Variants in WRN observed in about 807,000 individuals in gnomAD.
WRN encodes bifunctional 3'-5' exonuclease/ATP-dependent helicase WRN.
In WRN, 149 loss-of-function variants were observed where a neutral mutation model predicts 180.7. That is an observed-to-expected ratio of 0.82 (90% CI 0.72 to 0.94). WRN has a LOEUF of 0.94. Among genes scored for constraint, WRN ranks in the 40% least tolerant of loss-of-function variants. The pLI, the probability that WRN is intolerant of heterozygous loss-of-function variation, is 0.00. For missense variants in WRN, 1,661 were observed against 1,700.1 expected (o/e 0.98, Z 0.40); for synonymous variants, 548 against 568.9 (o/e 0.96, Z 0.52).
At chr8:31,059,406 G>A (rs1411562103) in intron 3 of WRN, 141 bp downstream of exon 3, 1 of 665,832 alleles carries the variant, frequency 1.5e-6, no homozygotes, top group Non-Finnish European at 2.6e-6. Flanking sequence ...CTATCACCAA[G>A]TTTTACATTT....
intron 8 of WRN, among the ~76,000 whole-genome samples, chr8:31,078,294 C>G (rs1481472820): frequency 1.3e-5 from 2 of 152,102 alleles, no homozygotes; most frequent in African/African-American, 4.8e-5. Context: ...CTCTTTGTAA[C>G]AAGTCTACAG....
At chr8:31,061,794 A>G (rs2130018964) in intron 3 of WRN, among the ~76,000 whole-genome samples, 1 of 152,300 alleles carries the variant, frequency 6.6e-6, no homozygotes, top group South Asian at 2.1e-4. Context: ...ACTTTTCAGA[A>G]CGTTAATGCC....
chr8:31,075,538 CTG>C (rs1428129785), intron 7 of WRN, among the ~76,000 whole-genome samples: 2 of 151,198 alleles, frequency 1.3e-5, no homozygotes, highest in Admixed American at 6.6e-5. Flanking sequence ...TTGCGAAACA[CTG>C]TCTCTACTAG....
chr8:31,098,233 G>A (rs1814073446), intron 17 of WRN, among the ~76,000 whole-genome samples: 1 of 152,078 alleles, frequency 6.6e-6, no homozygotes, highest in South Asian at 2.1e-4. Flanking sequence ...TGAAGTTATT[G>A]TGAATATTTC....
chr8:31,076,409 C>T lies in WRN; in HGVS notation c.839+122C>T, dbSNP rs1813098572. On this transcript the variant is annotated intron_variant, in intron 8 of 34. Coordinates refer to ENST00000298139, the MANE Select transcript of WRN (RefSeq NM_000553.6). ...ACTCATAGAAATTTGCTTGAATACACACACACAGACTGATGCATAAATTTG... is the reference window on the plus strand; with the variant it reads ...ACTCATAGAAATTTGCTTGAATACATACACACAGACTGATGCATAAATTTG... The T allele has an allele frequency of 1.1e-5, 8 of 759,422 alleles. 1 individual carries two copies. The highest frequency in any genetic ancestry group is 7.2e-5 in the Admixed American group (3 of 41,414). 47.0% of individuals were successfully genotyped at this position (759,422 alleles called of 1,614,324 possible). A position where few individuals can be genotyped will look rare whatever the true frequency, so the allele number is the denominator to read the frequency against.
chr8:31,082,490 T>G (rs903577109), intron 9 of WRN, among the ~76,000 whole-genome samples: 1 of 152,218 alleles, frequency 6.6e-6, no homozygotes, highest in Non-Finnish European at 1.5e-5. Context: ...CTGGGAAATA[T>G]CAGTTTTTGC....
chr8:31,049,209 T>TC (rs1811990016), intron 1 of WRN, among the ~76,000 whole-genome samples: 1 of 7,980 alleles, frequency 1.3e-4, no homozygotes, highest in Non-Finnish European at 3.7e-4. Context: ...AGACTCTGTC[T>TC]CAAAAAAAAA....
intron 18 of WRN, among the ~76,000 whole-genome samples, chr8:31,103,218 G>A (rs775613752): frequency 7.2e-5 from 11 of 152,092 alleles, no homozygotes. Flanking sequence ...GCCTGAGGCT[G>A]TTTTTCAGTT....
At position 31,114,893 on chromosome 8, in the gene WRN, G is replaced by GATTTTTTTTTTTTTTTTT. The variant is rs764937166; in HGVS notation, c.2274-1461_2274-1460insATTTTTTTTTTTTTTTTT. On this transcript the variant is annotated intron_variant, in intron 19 of 34. Coordinates refer to ENST00000298139, the MANE Select transcript of WRN (RefSeq NM_000553.6). The stretch of plus-strand genomic sequence containing the variant: ...CTTTGAAAACATGTTTTTAAAATAA[G>GATTTTTTTTTTTTTTTTT]GTTTTTTTTTTTTTTTTTTTGACAT... 1.5e-5 allele frequency among the ~76,000 whole-genome samples: 2 copies of GATTTTTTTTTTTTTTTTT among 136,174 alleles called. 1 individual carries two copies. The highest frequency in any genetic ancestry group is 3.2e-5 in the Non-Finnish European group (2 of 63,470). The allele number at this position is 136,174 out of a possible 152,430, so 89.3% of individuals were successfully genotyped here.
chr8:31,038,773 A>G (rs1016739144), intron 1 of WRN, among the ~76,000 whole-genome samples: 1 of 152,186 alleles, frequency 6.6e-6, no homozygotes. Context: ...GTAGGGGTCC[A>G]ACTTCACTCT....
At position 31,124,999 on chromosome 8, in the gene WRN, A is replaced by G; in HGVS notation, c.2824A>G (p.Arg942Gly). The G allele has an allele frequency of 1.2e-6, 2 of 1,612,322 alleles. No homozygotes were observed. Among genetic ancestry groups the G allele is most frequent in the Non-Finnish European group, 1.7e-6 (2 of 1,178,758 alleles). ...AAAATGCTGTGATAATTGCAGGTCC[A>G]GGTAAAGATTTCTTATTATAGATGG... Reference protein sequence around the residue: ...TEKCCDNCRSRLDHCYSMDDS... With the variant: ...TEKCCDNCRSGLDHCYSMDDS... The change falls in exon 23 of 35, where the codon AGA (arginine) becomes GGA (glycine). Residue 942 changes from arginine to glycine, a missense_variant and splice_region_variant. By Grantham distance (125) the Arg-to-Gly change is moderately radical (BLOSUM62 -2). Coordinates refer to ENST00000298139, the MANE Select transcript of WRN (RefSeq NM_000553.6).
chr8:31,072,871 A>G (rs186971624), intron 7 of WRN, among the ~76,000 whole-genome samples: 43 of 152,280 alleles, frequency 2.8e-4, no homozygotes, highest in Middle Eastern at 6.8e-3. Flanking sequence ...ATCTGAAGGA[A>G]GAGCTTAGCA....
chr8:31,102,270 A>G (rs1461442486), intron 18 of WRN, among the ~76,000 whole-genome samples: 2 of 152,210 alleles, frequency 1.3e-5, no homozygotes, highest in African/African-American at 4.8e-5. Flanking sequence ...TATTATTTCA[A>G]GAATGTTATA....
At chr8:31,092,217 A>T (rs1813775519) in intron 16 of WRN, among the ~76,000 whole-genome samples, 1 of 152,138 alleles carries the variant, frequency 6.6e-6, no homozygotes, top group African/African-American at 2.4e-5. Flanking sequence ...TTGTACTCAT[A>T]GAATTATAAA....
chr8:31,093,776 G>A (rs970812832), intron 16 of WRN, among the ~76,000 whole-genome samples: 3 of 152,064 alleles, frequency 2.0e-5, no homozygotes, highest in African/African-American at 4.8e-5. Flanking sequence ...CCCAGTCACC[G>A]GGTAACTGCT....
rs1176671038 is a variant in WRN at position 31,064,846 on chromosome 8, G to A, written c.356-69G>A. The A allele has an allele frequency of 5.2e-6, 8 of 1,540,074 alleles. No homozygotes were observed. In the Admixed American group the frequency reaches 1.4e-4, roughly 26 times the overall value. The stretch of plus-strand genomic sequence containing the variant: ...ACAAATTTACACATAAACATGGTAT[G>A]TATAAGAAGTAGGACATAAATCCAT... On this transcript the variant is annotated intron_variant, in intron 4 of 34. Transcript: ENST00000298139.
At chr8:31,068,128 C>A (rs1812778805) in intron 6 of WRN, 130 bp from the exon 7 acceptor site, 4 of 672,058 alleles carry the variant, frequency 6.0e-6, no homozygotes, top group Non-Finnish European at 1.1e-5. Flanking sequence ...ATATTTGTGT[C>A]ACATAATAGG....
At chr8:31,038,479 G>T (rs1811530100) in intron 1 of WRN, among the ~76,000 whole-genome samples, 1 of 151,834 alleles carries the variant, frequency 6.6e-6, no homozygotes, top group African/African-American at 2.4e-5. Flanking sequence ...CCCTTATTGG[G>T]TGTATGATTT....
chr8:31,056,761 C>T (rs984049370), intron 1 of WRN, among the ~76,000 whole-genome samples: 6 of 152,140 alleles, frequency 3.9e-5, no homozygotes, highest in Non-Finnish European at 7.3e-5. Context: ...TATTTGACTA[C>T]CCCACATTTT....
Sources: allele counts gnomAD v4.1 joint callset (sites outside exome capture counted in the v4.1 genomes callset), GRCh38; gene constraint gnomAD v4.1.1; transcripts MANE v1.5; gene names NCBI Gene and HGNC (gene_info 2026-07-23, HGNC 2026-07-21).